SPRY3: variants seen among roughly 807,000 people sequenced by gnomAD.
SPRY3 encodes sprouty RTK signaling antagonist 3, also known as protein sprouty homolog 3.
In SPRY3, 15 loss-of-function variants were observed where a neutral mutation model predicts 20.2. The ratio of observed to expected loss-of-function variants is 0.74; its 90% CI spans 0.50 to 1.14. The LOEUF is 1.14. Ranked by LOEUF, SPRY3 falls within the 50% of genes most tolerant of loss-of-function variation. SPRY3 has a pLI of 0.00. For missense variants in SPRY3, 364 were observed against 363.9 expected, an observed-to-expected ratio of 1.00 and a Z score of 0.00; for synonymous variants, 143 against 136.5, an observed-to-expected ratio of 1.05 and a Z score of -0.33.
At chrX:155,731,318 AC>A (rs1329719362) in intron 2 of SPRY3, among the ~76,000 whole-genome samples, 3 of 152,090 alleles carry the variant, frequency 2.0e-5, no homozygotes, top group African/African-American at 7.2e-5. Flanking sequence ...AGATACGTAA[AC>A]CAAAGGAACA....
Position 155,751,928 on chromosome X carries a change from TA to T in SPRY3, c.-281-16030del, listed in dbSNP as rs1337396335. Among the ~76,000 whole-genome samples, 3 of 21,978 alleles carry T rather than the reference TA, an allele frequency of 1.4e-4. No individual in the cohort carries two copies. In the African/African-American group the frequency reaches 1.4e-3, roughly 10 times the overall value. 14.4% of individuals were successfully genotyped at this position (21,978 alleles called of 152,430 possible). On this transcript the variant is annotated intron_variant, in intron 2 of 3. Coordinates refer to ENST00000675360, the Ensembl canonical transcript of SPRY3. ...GAAAAGGAAAGCAAGGGAAGGGAAA[TA>T]AAATAAAATAAAATAAAATAAAATA...
chrX:155,670,724 A>C (rs2068037733), intron 2 of SPRY3, among the ~76,000 whole-genome samples: 1 of 112,002 alleles, frequency 8.9e-6, no homozygotes, highest in African/African-American at 3.2e-5. Context: ...ATCTGACTTC[A>C]TAACAATCTG....
chrX:155,728,292 G>A (rs538326696), intron 2 of SPRY3, among the ~76,000 whole-genome samples: 42 of 152,216 alleles, frequency 2.8e-4, no homozygotes, highest in African/African-American at 8.9e-4. Context: ...TTGAGGAGGC[G>A]GTCTGTTTCA....
chrX:155,750,807 T>C (rs1024286812), intron 2 of SPRY3, among the ~76,000 whole-genome samples: 5 of 151,830 alleles, frequency 3.3e-5, no homozygotes, highest in African/African-American at 1.2e-4. Context: ...AAAAGTCCAC[T>C]TGAGGTTAAT....
chrX:155,697,362 T>C (rs888105165), intron 2 of SPRY3, among the ~76,000 whole-genome samples: 1 of 110,190 alleles, frequency 9.1e-6, no homozygotes, highest in Non-Finnish European at 1.9e-5. Flanking sequence ...TCCTTTCTCC[T>C]GGTTCTCAGT....
intron 1 of SPRY3, among the ~76,000 whole-genome samples, chrX:155,629,033 A>T (rs782492344): frequency 3.1e-4 from 33 of 105,852 alleles, no homozygotes; most frequent in South Asian, 2.1e-3. Flanking sequence ...TTTTGTTATT[A>T]TACTTTAAGT....
intron 2 of SPRY3, among the ~76,000 whole-genome samples, chrX:155,739,481 G>A (rs747952364): frequency 6.6e-6 from 1 of 152,320 alleles, no homozygotes; most frequent in Admixed American, 6.5e-5. Context: ...GCTTCTTGAA[G>A]CTGGCCCCTG....
chrX:155,778,068 A>C (rs1416232256), downstream of SPRY3: 2 of 167,026 alleles, frequency 1.2e-5, no homozygotes, highest in Non-Finnish European at 2.9e-5. Flanking sequence ...TCTATTTTAC[A>C]GATGAGAAAA....
intron 2 of SPRY3, among the ~76,000 whole-genome samples, chrX:155,728,063 G>A (rs183627684): frequency 3.4e-4 from 51 of 152,238 alleles, no homozygotes; most frequent in Admixed American, 2.2e-3. Flanking sequence ...CTCAGCTGCC[G>A]GTCTGTTGGA....
At chrX:155,683,478 A>G (rs1236587206) in intron 2 of SPRY3, among the ~76,000 whole-genome samples, 3 of 112,221 alleles carry the variant, frequency 2.7e-5, no homozygotes, top group African/African-American at 6.5e-5. Flanking sequence ...GCAATAAAGT[A>G]TCTTTTATTA....
chrX:155,706,622 A>G (rs2090953394), intron 2 of SPRY3, among the ~76,000 whole-genome samples: 1 of 150,946 alleles, frequency 6.6e-6, no homozygotes, highest in East Asian at 1.9e-4. Context: ...AAAAAAATCA[A>G]GAAGACAATT....
At chrX:155,646,732 AG>A (rs1207103161) in intron 1 of SPRY3, among the ~76,000 whole-genome samples, 2 of 111,568 alleles carry the variant, frequency 1.8e-5, no homozygotes, top group African/African-American at 6.5e-5. Context: ...ATCTGCTAAC[AG>A]GAATAGTTTT....
chrX:155,770,664 A>G (rs903874347), intron 3 of SPRY3, among the ~76,000 whole-genome samples: 4 of 148,946 alleles, frequency 2.7e-5, no homozygotes, highest in African/African-American at 1.0e-4. Flanking sequence ...CTCATTTGAT[A>G]GACTATGGAA....
chrX:155,714,513 A>T (rs1455637678), intron 2 of SPRY3, among the ~76,000 whole-genome samples: 2 of 152,066 alleles, frequency 1.3e-5, no homozygotes, highest in African/African-American at 4.8e-5. Context: ...TCTCCCAAAC[A>T]TATGGCATCT....
At chrX:155,623,388 A>G (rs1450276601) in intron 1 of SPRY3, among the ~76,000 whole-genome samples, 1 of 111,970 alleles carries the variant, frequency 8.9e-6, no homozygotes, top group East Asian at 2.8e-4. Context: ...AATAAGCCAT[A>G]TCATATTGAA....
At chrX:155,641,447 C>T (rs1419318747) in intron 1 of SPRY3, among the ~76,000 whole-genome samples, 1 of 114,926 alleles carries the variant, frequency 8.7e-6, no homozygotes, top group East Asian at 2.7e-4. Context: ...GGCGGCAGCC[C>T]GCGGTGAGAG....
intron 2 of SPRY3, among the ~76,000 whole-genome samples, chrX:155,756,775 G>A (rs2091284977): frequency 6.6e-6 from 1 of 151,982 alleles, no homozygotes; most frequent in Admixed American, 6.6e-5. Flanking sequence ...GAGACTTACA[G>A]GTACATTTAG....
At chrX:155,764,186 G>A (rs2091315476) in intron 2 of SPRY3, among the ~76,000 whole-genome samples, 1 of 152,146 alleles carries the variant, frequency 6.6e-6, no homozygotes, top group African/African-American at 2.4e-5. Flanking sequence ...TTGGGAAACA[G>A]GAGACCTGTG....
intron 2 of SPRY3, among the ~76,000 whole-genome samples, chrX:155,739,991 C>G (rs1434501021): frequency 1.3e-5 from 2 of 152,068 alleles, no homozygotes; most frequent in African/African-American, 4.8e-5. Context: ...CAGAAGTGGG[C>G]TTCATAAGGC....
Sources: gnomAD v4.1 joint callset for allele counts (sites outside exome capture counted in the v4.1 genomes callset) on GRCh38, gnomAD v4.1.1 for gene constraint, MANE v1.5 for transcripts, NCBI Gene and HGNC (gene_info 2026-07-23, HGNC 2026-07-21) for gene names.